Variants in TAOK3 observed in about 807,000 individuals in gnomAD.
TAOK3 encodes the protein serine/threonine-protein kinase TAO3.
In TAOK3, 40 loss-of-function variants were observed where a neutral mutation model predicts 120.4. That is an observed-to-expected ratio of 0.33 (90% CI 0.26 to 0.43). TAOK3 has a LOEUF of 0.43. Ranked by LOEUF, TAOK3 falls within the 20% of genes least tolerant of loss-of-function variation. The pLI is 1.00. For synonymous variants in TAOK3, 355 were observed against 387.5 expected, an observed-to-expected ratio of 0.92 and a Z score of 0.99; for missense variants, 821 against 1,112.1, an observed-to-expected ratio of 0.74 and a Z score of 3.72.
chr12:118,317,061 G>A (rs187838767), intron 1 of TAOK3, among the ~76,000 whole-genome samples: 166 of 151,964 alleles, frequency 1.1e-3, no homozygotes, highest in African/African-American at 3.9e-3. Flanking sequence ...TCAGGAGTTC[G>A]AGACCAGCCT....
At chr12:118,219,279 G>T (rs2039103457) in intron 9 of TAOK3, among the ~76,000 whole-genome samples, 1 of 151,930 alleles carries the variant, frequency 6.6e-6, no homozygotes, top group South Asian at 2.1e-4. Context: ...GTGTGTCGGG[G>T]TCTTGCTCTG....
intron 3 of TAOK3, chr12:118,246,492 G>T: frequency 1.3e-6 from 2 of 1,557,998 alleles, no homozygotes; most frequent in Non-Finnish European, 1.7e-6. Flanking sequence ...CAATGGCCAC[G>T]TCGGTCTGGG....
chr12:118,328,539 A>ACTGTTCTCTCAAGCTCAAAACT (rs1180748700), intron 1 of TAOK3, among the ~76,000 whole-genome samples: 1 of 152,172 alleles, frequency 6.6e-6, no homozygotes, highest in African/African-American at 2.4e-5. Flanking sequence ...ACATAATCTT[A>ACTGTTCTCTCAAGCTCAAAACT]CTGTTCTCTC....
chr12:118,257,749 T>C (rs996599459), intron 2 of TAOK3, among the ~76,000 whole-genome samples: 2 of 152,186 alleles, frequency 1.3e-5, no homozygotes, highest in African/African-American at 4.8e-5. Flanking sequence ...GGTGACAACA[T>C]ACATTACTTC....
At chr12:118,190,014 C>T in intron 13 of TAOK3, 73 bp from the exon 14 acceptor site, 1 of 1,585,008 alleles carries the variant, frequency 6.3e-7, no homozygotes. Flanking sequence ...TCTCTCACCC[C>T]TCTTTCTGCA....
chr12:118,264,169 TG>T (rs928780289), intron 2 of TAOK3, among the ~76,000 whole-genome samples: 1 of 152,230 alleles, frequency 6.6e-6, no homozygotes, highest in African/African-American at 2.4e-5. Context: ...TGGAAAACAT[TG>T]GGCAGTTTCT....
intron 1 of TAOK3, among the ~76,000 whole-genome samples, chr12:118,347,024 G>C (rs2044888372): frequency 6.6e-6 from 1 of 151,828 alleles, no homozygotes; most frequent in African/African-American, 2.4e-5. Flanking sequence ...TTTTAGACCA[G>C]GTCTCGCTCT....
intron 15 of TAOK3, among the ~76,000 whole-genome samples, chr12:118,178,170 T>C (rs941921775): frequency 1.3e-5 from 2 of 152,178 alleles, no homozygotes; most frequent in African/African-American, 4.8e-5. Flanking sequence ...TAGGGTCATC[T>C]CAAATGCTTG....
chr12:118,288,392 C>T (rs1478586251), intron 1 of TAOK3, among the ~76,000 whole-genome samples: 2 of 151,786 alleles, frequency 1.3e-5, no homozygotes, highest in Admixed American at 1.3e-4. Flanking sequence ...GGTGGGTGGC[C>T]TTGTAAGTAG....
intron 17 of TAOK3, among the ~76,000 whole-genome samples, chr12:118,165,565 T>G (rs1458071927): frequency 6.6e-6 from 1 of 152,224 alleles, no homozygotes; most frequent in Non-Finnish European, 1.5e-5. Context: ...CGCAGCTAAT[T>G]CTGATATATA....
At chr12:118,350,618 GGAGGCTGA>G (rs1166065906) in intron 1 of TAOK3, among the ~76,000 whole-genome samples, 1 of 152,102 alleles carries the variant, frequency 6.6e-6, no homozygotes, top group Non-Finnish European at 1.5e-5. Context: ...CAGCACTTTG[GGAGGCTGA>G]GGCAGGTGGA....
intron 2 of TAOK3, among the ~76,000 whole-genome samples, chr12:118,264,511 T>G (rs2041360396): frequency 6.6e-6 from 1 of 152,214 alleles, no homozygotes; most frequent in Non-Finnish European, 1.5e-5. Flanking sequence ...AAATGCAAAC[T>G]AATTTAAAGA....
intron 12 of TAOK3, chr12:118,200,154 T>A (rs1277447116): frequency 6.6e-6 from 1 of 152,322 alleles, no homozygotes; most frequent in East Asian, 1.9e-4. Flanking sequence ...TTAAAGGGGA[T>A]CATTTCTATA....
chr12:118,234,825 A>G (rs528732939), intron 8 of TAOK3, among the ~76,000 whole-genome samples: 1 of 152,326 alleles, frequency 6.6e-6, no homozygotes, highest in Non-Finnish European at 1.5e-5. Flanking sequence ...GTAGTAATGG[A>G]TGTTACTTTA....
chr12:118,154,284 C>G (rs1327055902), intron 19 of TAOK3, among the ~76,000 whole-genome samples: 1 of 152,190 alleles, frequency 6.6e-6, no homozygotes, highest in African/African-American at 2.4e-5. Context: ...TAGAACATCT[C>G]CATTTCCTTT....
intron 14 of TAOK3, among the ~76,000 whole-genome samples, chr12:118,183,215 A>G (rs1374419698): frequency 1.3e-5 from 2 of 152,200 alleles, no homozygotes; most frequent in East Asian, 3.8e-4. Flanking sequence ...GGGTTAAAAT[A>G]CATTTTATAC....
At chr12:118,235,523 T>G in intron 8 of TAOK3, 35 bp downstream of exon 8, 1 of 1,554,596 alleles carries the variant, frequency 6.4e-7, no homozygotes, top group East Asian at 2.2e-5. Flanking sequence ...GTATGCAGAT[T>G]TTAAAACTAT....
intron 4 of TAOK3, among the ~76,000 whole-genome samples, chr12:118,244,260 A>C (rs976225092): frequency 2.6e-5 from 4 of 151,150 alleles, no homozygotes. Flanking sequence ...GTGGGGTCTC[A>C]CCATATTGCC....
intron 11 of TAOK3, among the ~76,000 whole-genome samples, chr12:118,207,858 T>TCACACA (rs55978716): frequency 0.12 from 17,129 of 144,348 alleles, 1,055 homozygotes; most frequent in Non-Finnish European, 0.14. Context: ...AGACTCTGTC[T>TCACACA]CACACACACA....
Sources: gnomAD v4.1 joint callset for allele counts (sites outside exome capture counted in the v4.1 genomes callset) on GRCh38, gnomAD v4.1.1 for gene constraint, MANE v1.5 for transcripts, NCBI Gene and HGNC (gene_info 2026-07-23, HGNC 2026-07-21) for gene names.